GSC2: variants seen among roughly 807,000 people sequenced by gnomAD.
GSC2 encodes the protein goosecoid homeobox 2, also known as homeobox protein goosecoid-2.
Under a neutral mutation model 11.3 loss-of-function variants are expected in GSC2, and 12 were observed. That is an observed-to-expected ratio of 1.06 (90% CI 0.68 to 1.72). GSC2 has a LOEUF of 1.72. GSC2 is among the 40% of genes most tolerant of loss of function. The pLI, the probability that GSC2 is intolerant of heterozygous loss-of-function variation, is 0.00. For missense variants in GSC2, 310 were observed against 235.7 expected (o/e 1.32, Z -2.06); for synonymous variants, 148 against 110.0 (o/e 1.35, Z -2.16).
rs1421101156 is a variant in GSC2 at position 19,148,101 on chromosome 22, G to A, written c.*890C>T. Among the ~76,000 whole-genome samples the A allele has an allele frequency of 9.2e-5, 14 of 152,156 alleles. No individual in the cohort carries two copies. The highest frequency in any genetic ancestry group is 2.0e-4 in the Admixed American group (3 of 15,274). On this transcript the variant is annotated 3_prime_UTR_variant, in exon 3 of 3. Coordinates refer to ENST00000086933, the MANE Select transcript of GSC2 (RefSeq NM_005315.2). The stretch of plus-strand genomic sequence containing the variant: ...GTGAGGGAGTCCGAGCCCACAGCAT[G>A]AAAACCCCAGGAGGAAGCAGGGGAC...
intron 2 of GSC2, among the ~76,000 whole-genome samples, chr22:19,149,316 C>T (rs947539628): frequency 1.3e-5 from 2 of 152,254 alleles, no homozygotes; most frequent in Non-Finnish European, 2.9e-5. Flanking sequence ...AGTACCCGCC[C>T]CAGCCTCCAG....
At position 19,147,643 on chromosome 22, in the gene GSC2, T is replaced by C. The variant is rs1555917628; in HGVS notation, c.*1348A>G. ...GACCAGGGTTCAGGGAGAAGGGCTT[T>C]GTGTGCATGCTAGGGGTGGAGGCGG... On this transcript the variant is annotated 3_prime_UTR_variant, in exon 3 of 3. Transcript: ENST00000086933. Among the ~76,000 whole-genome samples the C allele has an allele frequency of 6.6e-6, 1 of 152,132 alleles. No individual in the cohort carries two copies. Among genetic ancestry groups the C allele is most frequent in the Non-Finnish European group, 1.5e-5 (1 of 67,988 alleles).
Position 19,149,806 on chromosome 22 carries a change from G to C in GSC2, c.370C>G (p.Arg124Gly), listed in dbSNP as rs1351371572. 8.7e-5 allele frequency: 138 copies of C among 1,577,778 alleles called. No homozygotes were observed. Among genetic ancestry groups the C allele is most frequent in the Non-Finnish European group, 1.1e-4 (134 of 1,165,446 alleles). ...LPGAVGPGSQ[R>G]RTRRHRTIFS... ...ATGGTGCGGTGGCGCCTCGTGCGCC[G>C]CTGCGAACCCGGGCCGACCGCGCCC... Residue 124 changes from arginine (R) to glycine (G), a missense_variant, in exon 2 of 3, where the codon CGG (arginine) becomes GGG (glycine). Coordinates refer to ENST00000086933, the MANE Select transcript of GSC2 (RefSeq NM_005315.2).
Position 19,149,550 on chromosome 22 carries a change from A to C in GSC2, c.513+113T>G, listed in dbSNP as rs1601380548. On this transcript the variant is annotated intron_variant, in intron 2 of 2. Transcript: ENST00000086933. ...AGGGACCTCCTCCCTCCGGCGCGCCAGGGCGGGGCTTGGGCCGAGGCCGTC... is the reference window on the plus strand; with the variant it reads ...AGGGACCTCCTCCCTCCGGCGCGCCCGGGCGGGGCTTGGGCCGAGGCCGTC... 6.7e-6 allele frequency: 8 copies of C among 1,201,650 alleles called. No homozygotes were observed. In the East Asian group the frequency reaches 2.5e-4, roughly 37 times the overall value. The allele number at this position is 1,201,650 out of a possible 1,614,324, so 74.4% of individuals were successfully genotyped here. A position where few individuals can be genotyped will look rare whatever the true frequency, so the allele number is the denominator to read the frequency against.
chr22:19,147,275 G>C lies in GSC2; in HGVS notation c.*1716C>G, dbSNP rs1403941315. 6.6e-6 allele frequency among the ~76,000 whole-genome samples: 1 copy of C among 152,158 alleles called. No homozygotes were observed. The highest frequency in any genetic ancestry group is 1.5e-5 in the Non-Finnish European group (1 of 68,044). ...ATGTGGCAGAAAGATGGGAATTGGA[G>C]TCTGAGGGTAAAAGATAAACCGGGA... On this transcript the variant is annotated 3_prime_UTR_variant, in exon 3 of 3. Transcript: ENST00000086933.
In GSC2 at chr22:19,148,965, G is replaced by A. The variant is rs782530366; in HGVS notation, c.*26C>T. 4.3e-6 allele frequency: 6 copies of A among 1,401,014 alleles called. No homozygotes were observed. The highest frequency in any genetic ancestry group is 5.9e-6 in the Non-Finnish European group (6 of 1,010,294). 86.8% of individuals were successfully genotyped at this position (1,401,014 alleles called of 1,614,324 possible). A position where few individuals can be genotyped will look rare whatever the true frequency, so the allele number is the denominator to read the frequency against. ...TCCAAAGATCCCAAAAAGGGTGGCC[G>A]AGCCCAGGGGCAGCTCCTAGAGTCA... On this transcript the variant is annotated 3_prime_UTR_variant, in exon 3 of 3. Coordinates refer to ENST00000086933, the MANE Select transcript of GSC2 (RefSeq NM_005315.2).
chr22:19,150,027 A>G lies in GSC2; in HGVS notation c.257T>C (p.Leu86Pro). ...PCGPPEAAAG[L>P]GARLAWPLRL... is the part of the protein sequence containing the mutation. ...CGCCCCGCTCCGCGCCCACTCACCC[A>G]GCCCGGCGGCCGCCTCTGGGGGCCC... The change falls in exon 1 of 3, where the codon CTG becomes CCG. Residue 86 changes from leucine to proline, a missense_variant and splice_region_variant. Coordinates refer to ENST00000086933, the MANE Select transcript of GSC2 (RefSeq NM_005315.2). 1.3e-5 allele frequency: 13 copies of G among 1,027,864 alleles called. No individual in the cohort carries two copies. Among genetic ancestry groups the G allele is most frequent in the Non-Finnish European group, 1.5e-5 (13 of 859,926 alleles). The allele number at this position is 1,027,864 out of a possible 1,614,324, so 63.7% of individuals were successfully genotyped here.
chr22:19,147,046 T>C lies in GSC2; in HGVS notation c.*1945A>G, dbSNP rs1364684086. On this transcript the variant is annotated 3_prime_UTR_variant, in exon 3 of 3. Coordinates refer to ENST00000086933, the MANE Select transcript of GSC2 (RefSeq NM_005315.2). ...TTGATAAACAGTAAAACTGACTTCC[T>C]GTCAGCCTGGGTATAGTGGATGATC... Among the ~76,000 whole-genome samples, 2 of 152,176 alleles carry C rather than the reference T, an allele frequency of 1.3e-5. No homozygotes were observed. Among genetic ancestry groups the C allele is most frequent in the Non-Finnish European group, 2.9e-5 (2 of 68,036 alleles).
chr22:19,149,658 C>T lies in GSC2; in HGVS notation c.513+5G>A. The T allele has an allele frequency of 6.5e-7, 1 of 1,534,194 alleles. No individual in the cohort carries two copies. Among genetic ancestry groups the T allele is most frequent in the East Asian group, 2.6e-5 (1 of 38,250 alleles). ...CTCCGGGGAAAGGCTGGGCGGGGCA[C>T]TCACCTCCACGCGCTCCTCGCGAAG... is the stretch of plus-strand genomic sequence containing the variant. On this transcript the variant is annotated splice_donor_5th_base_variant and intron_variant, in intron 2 of 2. Coordinates refer to ENST00000086933, the MANE Select transcript of GSC2 (RefSeq NM_005315.2).
rs1487418962 is a variant in GSC2, at chr22:19,148,154, C to T, written c.*837G>A. Among the ~76,000 whole-genome samples the T allele has an allele frequency of 1.3e-5, 2 of 152,162 alleles. No individual in the cohort carries two copies. The highest frequency in any genetic ancestry group is 2.9e-5 in the Non-Finnish European group (2 of 68,014). ...TCACCCATGGGCAGGTTCACAGTAGCCTAGAGGCCAGGGCTGGACCCCAGG... is the reference window on the plus strand; with the variant it reads ...TCACCCATGGGCAGGTTCACAGTAGTCTAGAGGCCAGGGCTGGACCCCAGG... On this transcript the variant is annotated 3_prime_UTR_variant, in exon 3 of 3. Coordinates refer to ENST00000086933, the MANE Select transcript of GSC2 (RefSeq NM_005315.2).
In GSC2 at chr22:19,148,988, T is replaced by A; in HGVS notation, c.*3A>T. 1 of 1,560,082 alleles carries A rather than the reference T, an allele frequency of 6.4e-7. No homozygotes were observed. Among genetic ancestry groups the A allele is most frequent in the Non-Finnish European group, 8.8e-7 (1 of 1,140,508 alleles). On this transcript the variant is annotated 3_prime_UTR_variant, in exon 3 of 3. Transcript: ENST00000086933. ...CCGAGCCCAGGGGCAGCTCCTAGAG[T>A]CATCAGCAGCTCCCCTTCGGGGACT...
At chr22:19,149,553 G>A in intron 2 of GSC2, 110 bp downstream of exon 2, 1 of 1,220,152 alleles carries the variant, frequency 8.2e-7, no homozygotes, top group South Asian at 1.8e-5. Flanking sequence ...GCGCGCCAGG[G>A]CGGGGCTTGG....
chr22:19,148,899 C>A lies in GSC2; in HGVS notation c.*92G>T, dbSNP rs2083808177. Reference sequence around the variant, plus strand: ...GGTGGAGGCGGCCGGTGTACTCTCCCAGCTCCTTTTCGGGTAGACCTGTCT... The same window carrying A: ...GGTGGAGGCGGCCGGTGTACTCTCCAAGCTCCTTTTCGGGTAGACCTGTCT... On this transcript the variant is annotated 3_prime_UTR_variant, in exon 3 of 3. Transcript: ENST00000086933. The A allele has an allele frequency of 1.3e-6, 1 of 749,342 alleles. No individual in the cohort carries two copies. Among genetic ancestry groups the A allele is most frequent in the South Asian group, 1.7e-5 (1 of 57,978 alleles). The allele number at this position is 749,342 out of a possible 1,614,324, so 46.4% of individuals were successfully genotyped here. A position where few individuals can be genotyped will look rare whatever the true frequency, so the allele number is the denominator to read the frequency against.
chr22:19,148,690 G>A lies in GSC2; in HGVS notation c.*301C>T, dbSNP rs2071339. On this transcript the variant is annotated 3_prime_UTR_variant, in exon 3 of 3. Coordinates refer to ENST00000086933, the MANE Select transcript of GSC2 (RefSeq NM_005315.2). ...GATTCTGGGTCCCGTGTTGATACGG[G>A]GTGGTTCCCCTCCTGCGGTGGAGTT... is the stretch of plus-strand genomic sequence containing the variant. 0.28 allele frequency: 106,180 copies of A among 373,036 alleles called. 16,624 individuals carry two copies. The highest frequency in any genetic ancestry group is 0.48 in the East Asian group (10,352 of 21,392). The allele number at this position is 373,036 out of a possible 1,614,324, so 23.1% of individuals were successfully genotyped here.
Position 19,148,708 on chromosome 22 carries a change from G to A in GSC2, c.*283C>T. On this transcript the variant is annotated 3_prime_UTR_variant, in exon 3 of 3. Transcript: ENST00000086933. ...GATACGGGGTGGTTCCCCTCCTGCG[G>A]TGGAGTTAGTGTCTCTCGGGGGGTA... is the stretch of plus-strand genomic sequence containing the variant. The A allele has an allele frequency of 2.4e-6, 1 of 412,054 alleles. No homozygotes were observed. The highest frequency in any genetic ancestry group is 4.3e-6 in the Non-Finnish European group (1 of 230,632). 25.5% of individuals were successfully genotyped at this position (412,054 alleles called of 1,614,324 possible).
chr22:19,150,149 G>C lies in GSC2; in HGVS notation c.135C>G (p.Ala45=). ...PARAACPPQP[A]GRQSPAKPEE... ...CTGGCTTCGCGGGGCTCTGGCGACC[G>C]GCGGGCTGCGGTGGGCAGGCGGCCC... The change falls in exon 1 of 3, where the codon GCC becomes GCG. Residue 45 remains alanine, a synonymous_variant. Coordinates refer to ENST00000086933, the MANE Select transcript of GSC2 (RefSeq NM_005315.2). 1.2e-6 allele frequency: 1 copy of C among 866,138 alleles called. No homozygotes were observed. The highest frequency in any genetic ancestry group is 1.4e-6 in the Non-Finnish European group (1 of 710,888). 53.7% of individuals were successfully genotyped at this position (866,138 alleles called of 1,614,324 possible). A position where few individuals can be genotyped will look rare whatever the true frequency, so the allele number is the denominator to read the frequency against.
In GSC2 at chr22:19,147,207, G is replaced by A. The variant is rs1285568148; in HGVS notation, c.*1784C>T. The stretch of plus-strand genomic sequence containing the variant: ...TGTGGGCTTCAAGGGGACAGCTGGA[G>A]ATAAATACCTGGCTCAGGGGAAGTG... On this transcript the variant is annotated 3_prime_UTR_variant, in exon 3 of 3. Coordinates refer to ENST00000086933, the MANE Select transcript of GSC2 (RefSeq NM_005315.2). Among the ~76,000 whole-genome samples the A allele has an allele frequency of 1.3e-5, 2 of 152,140 alleles. No individual in the cohort carries two copies.
rs973174954 is a variant in GSC2, at chr22:19,149,242, G to T, written c.514-147C>A. The T allele has an allele frequency of 1.0e-3, 565 of 559,838 alleles. 1 individual carries two copies. Among genetic ancestry groups the T allele is most frequent in the Non-Finnish European group, 2.2e-4 (71 of 318,372 alleles). 34.7% of individuals were successfully genotyped at this position (559,838 alleles called of 1,614,324 possible). Reference sequence around the variant, plus strand: ...GCCGACACCCGGGCCGCGGCTGCGCGCCACCTGCCCTTATTCGCTGCGGAC... The same window carrying T: ...GCCGACACCCGGGCCGCGGCTGCGCTCCACCTGCCCTTATTCGCTGCGGAC... On this transcript the variant is annotated intron_variant, in intron 2 of 2. Transcript: ENST00000086933.
At position 19,148,341 on chromosome 22, in the gene GSC2, G is replaced by A. The variant is rs1183028196; in HGVS notation, c.*650C>T. ...GGACAGCTCCTTGTTGGGTGTGGGA[G>A]TGGAGCCAAGGTGGACTTGAGACTC... On this transcript the variant is annotated 3_prime_UTR_variant, in exon 3 of 3. Coordinates refer to ENST00000086933, the MANE Select transcript of GSC2 (RefSeq NM_005315.2). Among the ~76,000 whole-genome samples the A allele has an allele frequency of 6.6e-6, 1 of 152,198 alleles. No individual in the cohort carries two copies. Among genetic ancestry groups the A allele is most frequent in the African/African-American group, 2.4e-5 (1 of 41,444 alleles).
Sources: allele counts gnomAD v4.1 joint callset (sites outside exome capture counted in the v4.1 genomes callset), GRCh38; gene constraint gnomAD v4.1.1; transcripts MANE v1.5; gene names NCBI Gene and HGNC (gene_info 2026-07-23, HGNC 2026-07-21).